The following CCDC66 variants were observed in gnomAD, a reference collection of about 807,000 sequenced individuals.
CCDC66 encodes coiled-coil domain containing 66, also known as coiled-coil domain-containing protein 66.
In CCDC66, 133 loss-of-function variants were observed where a neutral mutation model predicts 128.3. The ratio of observed to expected loss-of-function variants is 1.04; its 90% CI spans 0.90 to 1.20. CCDC66 has a LOEUF of 1.20. Among genes scored for constraint, CCDC66 ranks in the 50% most tolerant of loss-of-function variants. The probability of loss-of-function intolerance (pLI) is 0.00; values close to 1 mark genes in which losing one functional copy is unlikely to be tolerated. For missense variants in CCDC66, 1,126 were observed against 1,075.5 expected (o/e 1.05, Z -0.66); for synonymous variants, 387 against 357.0 (o/e 1.08, Z -0.95).
At chr3:56,563,402 A>G (rs1403650698) in intron 3 of CCDC66, 7 of 258,824 alleles carry the variant, frequency 2.7e-5, no homozygotes, top group Non-Finnish European at 5.1e-5. Flanking sequence ...TGAAAAAAAA[A>G]AAAAAGAGAT....
At chr3:56,562,011 A>G (rs2065165731) in intron 3 of CCDC66, among the ~76,000 whole-genome samples, 1 of 151,510 alleles carries the variant, frequency 6.6e-6, no homozygotes, top group South Asian at 2.1e-4. Context: ...TGCTTTCCTA[A>G]TTCTATCAAA....
chr3:56,581,588 G>T (rs932681423), intron 7 of CCDC66, among the ~76,000 whole-genome samples: 4 of 151,810 alleles, frequency 2.6e-5, no homozygotes, highest in Non-Finnish European at 5.9e-5. Context: ...TACAGATGGG[G>T]TTTTGGTGTG....
chr3:56,565,668 G>T (rs1459756091), intron 4 of CCDC66, among the ~76,000 whole-genome samples: 2 of 150,740 alleles, frequency 1.3e-5, no homozygotes, highest in Non-Finnish European at 3.0e-5. Flanking sequence ...CCAGGCTGGA[G>T]TCTCGCTGCG....
chr3:56,559,306 C>T (rs1025327511), intron 2 of CCDC66, among the ~76,000 whole-genome samples: 12 of 152,180 alleles, frequency 7.9e-5, no homozygotes, highest in African/African-American at 2.9e-4. Flanking sequence ...CGTTTTTAAA[C>T]TCAGTGTACT....
intron 7 of CCDC66, among the ~76,000 whole-genome samples, chr3:56,582,960 T>C (rs2068699557): frequency 6.6e-6 from 1 of 150,802 alleles, no homozygotes; most frequent in South Asian, 2.1e-4. Flanking sequence ...AACTGCAGCC[T>C]TGACCTTCCT....
At chr3:56,579,450 A>T (rs1475755986) in intron 7 of CCDC66, among the ~76,000 whole-genome samples, 1 of 151,630 alleles carries the variant, frequency 6.6e-6, no homozygotes, top group Non-Finnish European at 1.5e-5. Flanking sequence ...GCCTTCTGCT[A>T]GCTTTTGAAT....
At chr3:56,583,502 T>C (rs1327644247) in intron 7 of CCDC66, among the ~76,000 whole-genome samples, 9 of 151,866 alleles carry the variant, frequency 5.9e-5, no homozygotes, top group Non-Finnish European at 1.3e-4. Flanking sequence ...GTGATGACTC[T>C]TAGGGAGCAT....
chr3:56,560,924 T>C (rs2065013344), intron 3 of CCDC66: 2 of 456,590 alleles, frequency 4.4e-6, no homozygotes, highest in African/African-American at 4.0e-5. Context: ...CACTTTATCC[T>C]TCAACTCTAA....
At position 56,593,638 on chromosome 3, in the gene CCDC66, A is replaced by G. The variant is rs1224993628; in HGVS notation, c.1216A>G (p.Ser406Gly). The change falls in exon 9 of 18, where the codon AGT (serine) becomes GGT (glycine). Residue 406 changes from serine (S) to glycine (G), a missense_variant. By Grantham distance (56) the Ser-to-Gly change is moderately conservative (BLOSUM62 0). Transcript: ENST00000394672. ...CACTCAGGAGCTGGCTGATGTCAGC[A>G]GTGTTTGTACACCTACAACCGGAAG... ...PDTQELADVSSVCTPTTGSQV... is the reference protein window; with the variant it reads ...PDTQELADVSGVCTPTTGSQV... The G allele has an allele frequency of 1.9e-6, 3 of 1,614,212 alleles. No homozygotes were observed. The South Asian group carries it at 3.3e-5, about 18-fold the overall frequency.
intron 13 of CCDC66, chr3:56,616,427 AC>A (rs1470731909): frequency 4.7e-6 from 1 of 212,068 alleles, no homozygotes; most frequent in Non-Finnish European, 9.4e-6. Context: ...AGACCACATA[AC>A]GGTCTTCTCT....
Position 56,619,539 on chromosome 3 carries a change from T to C in CCDC66, c.2635+12T>C, listed in dbSNP as rs538181078. On this transcript the variant is annotated intron_variant, in intron 16 of 17. Transcript: ENST00000394672. ...CCAAAATTCACAAGGTAAGTAAATA[T>C]TAAGCATTCTAACTGTAAAAATTGA... is the stretch of plus-strand genomic sequence containing the variant. The C allele has an allele frequency of 1.9e-6, 3 of 1,591,072 alleles. No individual in the cohort carries two copies. The highest frequency in any genetic ancestry group is 2.6e-6 in the Non-Finnish European group (3 of 1,171,080).
intron 7 of CCDC66, among the ~76,000 whole-genome samples, chr3:56,591,379 A>G (rs2070861983): frequency 6.6e-6 from 1 of 152,194 alleles, no homozygotes; most frequent in African/African-American, 2.4e-5. Context: ...GGTTACATCA[A>G]ACTTAAACAA....
intron 10 of CCDC66, among the ~76,000 whole-genome samples, chr3:56,598,810 G>A (rs1424222102): frequency 6.6e-6 from 1 of 152,002 alleles, no homozygotes; most frequent in Admixed American, 6.6e-5. Flanking sequence ...GTTGGATTGA[G>A]TTTGCTAGTA....
chr3:56,614,280 T>C (rs2075226266), intron 11 of CCDC66, among the ~76,000 whole-genome samples: 1 of 152,210 alleles, frequency 6.6e-6, no homozygotes, highest in Non-Finnish European at 1.5e-5. Flanking sequence ...CAAGATGAAT[T>C]ATTACAGCAC....
At chr3:56,595,415 C>T (rs1040726194) in intron 10 of CCDC66, among the ~76,000 whole-genome samples, 7 of 152,204 alleles carry the variant, frequency 4.6e-5, no homozygotes, top group African/African-American at 1.7e-4. Context: ...ACACCCTTCC[C>T]AGCCTTTGAT....
intron 10 of CCDC66, among the ~76,000 whole-genome samples, chr3:56,598,457 T>C (rs2072534120): frequency 6.6e-6 from 1 of 151,998 alleles, no homozygotes; most frequent in Non-Finnish European, 1.5e-5. Context: ...CTATGTTGAA[T>C]AAGAATGGTG....
intron 7 of CCDC66, among the ~76,000 whole-genome samples, chr3:56,576,709 A>G (rs1577397552): frequency 6.6e-6 from 1 of 151,524 alleles, no homozygotes; most frequent in South Asian, 2.1e-4. Context: ...TTCCAGCTTC[A>G]TCCATGTCCC....
intron 10 of CCDC66, among the ~76,000 whole-genome samples, chr3:56,599,221 G>A (rs1389921721): frequency 6.6e-6 from 1 of 151,876 alleles, no homozygotes. Context: ...GTTCATAATA[G>A]CCTCTGATGA....
chr3:56,560,936 C>A (rs1462171706), intron 3 of CCDC66: 1 of 456,486 alleles, frequency 2.2e-6, no homozygotes, highest in Non-Finnish European at 4.4e-6. Flanking sequence ...CAACTCTAAG[C>A]CCTTGATGGC....
Sources: gnomAD v4.1 joint callset for allele counts (sites outside exome capture counted in the v4.1 genomes callset) on GRCh38, gnomAD v4.1.1 for gene constraint, MANE v1.5 for transcripts, NCBI Gene and HGNC (gene_info 2026-07-23, HGNC 2026-07-21) for gene names.